ZCCHC14: variants seen among roughly 807,000 people sequenced by gnomAD.
ZCCHC14 encodes the protein zinc finger CCHC-type containing 14.
ZCCHC14 carries 16 observed loss-of-function variants against 85.0 expected under a neutral mutation model. The observed-to-expected ratio is 0.19, with a 90% confidence interval of 0.13 to 0.29. ZCCHC14 has a LOEUF of 0.29. ZCCHC14 is among the 10% of genes least tolerant of loss of function. ZCCHC14 has a pLI of 1.00. For missense variants in ZCCHC14, 1,303 were observed against 1,443.5 expected (o/e 0.90, Z 1.58); for synonymous variants, 775 against 630.7 (o/e 1.23, Z -3.43).
intron 1 of ZCCHC14, among the ~76,000 whole-genome samples, chr16:87,487,679 G>C (rs1196825396): frequency 6.6e-6 from 1 of 152,248 alleles, no homozygotes; most frequent in Non-Finnish European, 1.5e-5. Flanking sequence ...TGAAGACAAA[G>C]AGCCTATTAA....
intron 1 of ZCCHC14, among the ~76,000 whole-genome samples, chr16:87,479,230 A>T (rs1912158415): frequency 6.6e-6 from 1 of 151,974 alleles, no homozygotes; most frequent in South Asian, 2.1e-4. Context: ...AACCTGACCA[A>T]CATAGTGAAA....
intron 1 of ZCCHC14, among the ~76,000 whole-genome samples, chr16:87,477,688 C>G (rs528305213): frequency 6.6e-6 from 1 of 152,306 alleles, no homozygotes; most frequent in South Asian, 2.1e-4. Flanking sequence ...ACTCATGGAG[C>G]TGTTATGAGG....
rs1912843668 is a variant in ZCCHC14 at position 87,492,911 on chromosome 16, G to GCGA, written c.-674_-673insTCG. ...GCGGACGGATCCGGGCCCGAGCGCGGCGGCGGCGGCGACGGCGACGGCGAC... is the reference window on the plus strand; with the variant it reads ...GCGGACGGATCCGGGCCCGAGCGCGGCGACGGCGGCGGCGACGGCGACGGCGAC... On this transcript the variant is annotated 5_prime_UTR_variant, in exon 1 of 13. Coordinates refer to ENST00000671377, the MANE Select transcript of ZCCHC14 (RefSeq NM_015144.3). This position sits in a 1 kb window ranked among gnomAD's most constrained non-coding sequence, Gnocchi z 6.7. Among the ~76,000 whole-genome samples the GCGA allele has an allele frequency of 7.0e-6, 1 of 141,984 alleles. No individual in the cohort carries two copies. The highest frequency in any genetic ancestry group is 1.5e-5 in the Non-Finnish European group (1 of 66,732). The allele number at this position is 141,984 out of a possible 152,430, so 93.1% of individuals were successfully genotyped here.
intron 2 of ZCCHC14, among the ~76,000 whole-genome samples, chr16:87,457,494 G>T (rs968091953): frequency 6.6e-6 from 1 of 152,154 alleles, no homozygotes; most frequent in Non-Finnish European, 1.5e-5. Context: ...CCCTCAAAGG[G>T]CTGTTATGAA....
intron 2 of ZCCHC14, 124 bp from the exon 3 acceptor site, chr16:87,433,325 T>C: frequency 1.2e-6 from 1 of 863,648 alleles, no homozygotes; most frequent in Admixed American, 2.4e-5. Context: ...GTCCTGTCAC[T>C]TTGGTGGCAT....
intron 1 of ZCCHC14, among the ~76,000 whole-genome samples, chr16:87,465,376 ACTT>A (rs1911471149): frequency 6.6e-6 from 1 of 152,250 alleles, no homozygotes; most frequent in African/African-American, 2.4e-5. Flanking sequence ...TCAAACAAAA[ACTT>A]CTGCAATCTA....
chr16:87,451,694 G>C (rs973342295), intron 2 of ZCCHC14, among the ~76,000 whole-genome samples: 11 of 152,196 alleles, frequency 7.2e-5, no homozygotes, highest in African/African-American at 2.7e-4. Flanking sequence ...GGCCTATTCT[G>C]GGCAGAGGGA....
intron 1 of ZCCHC14, among the ~76,000 whole-genome samples, chr16:87,481,430 T>C (rs1352762287): frequency 6.6e-6 from 1 of 151,148 alleles, no homozygotes; most frequent in Admixed American, 6.6e-5. Context: ...CTAATCTCCA[T>C]CCTGCTTCCC....
intron 3 of ZCCHC14, among the ~76,000 whole-genome samples, chr16:87,426,264 G>C (rs1406794667): frequency 6.6e-6 from 1 of 152,316 alleles, no homozygotes; most frequent in Non-Finnish European, 1.5e-5. Flanking sequence ...GGCGGGAAGA[G>C]CATCCTCTTG....
At chr16:87,481,542 T>TG (rs796546946) in intron 1 of ZCCHC14, among the ~76,000 whole-genome samples, 2 of 2,954 alleles carry the variant, frequency 6.8e-4, no homozygotes, top group Non-Finnish European at 1.5e-3. Flanking sequence ...GGGGGGGGGG[T>TG]GGGGGGGGGG....
intron 11 of ZCCHC14, 32 bp from the exon 12 acceptor site, chr16:87,413,008 T>A (rs79270783): frequency 0.03 from 48,584 of 1,614,064 alleles, 1,009 homozygotes; most frequent in Middle Eastern, 0.088. Context: ...GTCAGTGCCA[T>A]TCCACAGCTG....
intron 2 of ZCCHC14, among the ~76,000 whole-genome samples, chr16:87,458,789 C>A (rs1911106320): frequency 6.6e-6 from 1 of 152,176 alleles, no homozygotes; most frequent in Non-Finnish European, 1.5e-5. Flanking sequence ...AGACAAACAT[C>A]TTTGTAAATA....
Position 87,412,714 on chromosome 16 carries a change from T to C in ZCCHC14, c.2007A>G (p.Ser669=). 1 of 1,614,166 alleles carries C rather than the reference T, an allele frequency of 6.2e-7. No homozygotes were observed. The highest frequency in any genetic ancestry group is 8.5e-7 in the Non-Finnish European group (1 of 1,180,030). Residue 669 remains serine, a synonymous_variant, in exon 12 of 13, where the codon TCA becomes TCG. Transcript: ENST00000671377. ...TATTCCTTTCTTCTAGAGACAAAAG[T>C]GAGTGCACAGAAGACGAGAGGAGCT... is the stretch of plus-strand genomic sequence containing the variant. The part of the protein sequence containing the change: ...DMKLLSSSVH[S]LLSLEERNKG...
intron 2 of ZCCHC14, among the ~76,000 whole-genome samples, chr16:87,444,445 A>T (rs1567525667): frequency 6.6e-6 from 1 of 152,232 alleles, no homozygotes; most frequent in African/African-American, 2.4e-5. Context: ...TACAAACTTA[A>T]ATAAATGATT....
intron 2 of ZCCHC14, among the ~76,000 whole-genome samples, chr16:87,458,998 C>T (rs1911118664): frequency 6.6e-6 from 1 of 152,286 alleles, no homozygotes; most frequent in Non-Finnish European, 1.5e-5. Context: ...TACAAACCAC[C>T]TTACTCTCCC....
At chr16:87,421,409 C>T (rs1909087916) in intron 4 of ZCCHC14, among the ~76,000 whole-genome samples, 1 of 152,162 alleles carries the variant, frequency 6.6e-6, no homozygotes, top group African/African-American at 2.4e-5. Context: ...CCCGCTGCTC[C>T]TGGAAGAAGG....
intron 3 of ZCCHC14, among the ~76,000 whole-genome samples, chr16:87,425,298 C>CG: frequency 6.6e-6 from 1 of 152,258 alleles, no homozygotes; most frequent in East Asian, 1.9e-4. Flanking sequence ...TGCTTGAGGC[C>CG]GGGCGCAGTG....
chr16:87,414,643 A>G, intron 9 of ZCCHC14, 102 bp from the exon 10 acceptor site: 1 of 1,462,754 alleles, frequency 6.8e-7, no homozygotes, highest in South Asian at 1.4e-5. Flanking sequence ...GGCGGCTTTG[A>G]TACAGGGCGA....
intron 1 of ZCCHC14, chr16:87,472,431 C>T (rs1355587997): frequency 6.6e-6 from 1 of 152,354 alleles, no homozygotes. Flanking sequence ...TGCACCGAGG[C>T]ACGCATGCAA....
Sources: gnomAD v4.1 joint callset for allele counts (sites outside exome capture counted in the v4.1 genomes callset) on GRCh38, gnomAD v4.1.1 for gene constraint, Gnocchi (gnomAD v3.1) non-coding constraint, MANE v1.5 for transcripts, NCBI Gene and HGNC (gene_info 2026-07-23, HGNC 2026-07-21) for gene names.